The following MACROD2 variants were observed in gnomAD, a reference collection of about 807,000 sequenced individuals.
MACROD2 encodes mono-ADP ribosylhydrolase 2, also known as ADP-ribose glycohydrolase MACROD2.
A neutral mutation model predicts 70.4 loss-of-function variants in MACROD2; 36 were observed. The observed-to-expected ratio is 0.51, with a 90% CI of 0.39 to 0.68. MACROD2 has a LOEUF of 0.68. Ranked by LOEUF, MACROD2 falls within the 30% of genes least tolerant of loss-of-function variation. The pLI, the probability that MACROD2 is intolerant of heterozygous loss-of-function variation, is 0.00. For synonymous variants in MACROD2, 172 were observed against 178.8 expected (o/e 0.96, Z 0.30); for missense variants, 496 against 538.4 (o/e 0.92, Z 0.78).
At chr20:15,247,528 C>A (rs1375605147) in intron 6 of MACROD2, among the ~76,000 whole-genome samples, 2 of 152,128 alleles carry the variant, frequency 1.3e-5, no homozygotes, top group Non-Finnish European at 2.9e-5. Context: ...ATAAATCGAA[C>A]TTTCTGTTGG....
intron 8 of MACROD2, among the ~76,000 whole-genome samples, chr20:15,679,494 T>C (rs946561065): frequency 1.3e-5 from 2 of 152,168 alleles, no homozygotes; most frequent in Non-Finnish European, 2.9e-5. Context: ...TGCAGTTTTA[T>C]CCCCTTGGGC....
chr20:15,951,539 GC>G (rs1269036301), intron 12 of MACROD2, among the ~76,000 whole-genome samples: 1 of 152,168 alleles, frequency 6.6e-6, no homozygotes, highest in East Asian at 1.9e-4. Flanking sequence ...TTTGAAATTA[GC>G]CCTGTTATTT....
At chr20:16,041,333 A>G (rs2147611507) in intron 16 of MACROD2, 55 bp downstream of exon 16, 1 of 1,402,986 alleles carries the variant, frequency 7.1e-7, no homozygotes, top group South Asian at 1.2e-5. Context: ...CATATTTTCT[A>G]TGTGTAATCT....
In MACROD2 at chr20:15,630,990, T is replaced by G. The variant is rs457829; in HGVS notation, c.645+131143T>G. Among the ~76,000 whole-genome samples the G allele has an allele frequency of 9.6e-3, 1,469 of 152,316 alleles. 15 individuals carry two copies. Among genetic ancestry groups the G allele is most frequent in the Middle Eastern group, 0.027 (8 of 294 alleles). On this transcript the variant is annotated intron_variant, in intron 8 of 17. Transcript: ENST00000684519. ...TCTGCTTAACAGATCATTGTAGATA[T>G]GATTGCAAATTCCACATAAAGGGAA...
intron 3 of MACROD2, among the ~76,000 whole-genome samples, chr20:14,172,716 GT>G (rs2081232809): frequency 6.6e-6 from 1 of 151,900 alleles, no homozygotes; most frequent in Non-Finnish European, 1.5e-5. Context: ...GAATACCTTG[GT>G]TTTTTTCATT....
At chr20:14,014,109 TTA>T (rs2052953278) in intron 2 of MACROD2, among the ~76,000 whole-genome samples, 1 of 152,166 alleles carries the variant, frequency 6.6e-6, no homozygotes, top group Admixed American at 6.5e-5. Context: ...ATTAAATGAA[TTA>T]TGTTAGTAAA....
intron 6 of MACROD2, among the ~76,000 whole-genome samples, chr20:15,268,935 A>G (rs1208929339): frequency 6.6e-6 from 1 of 152,208 alleles, no homozygotes; most frequent in African/African-American, 2.4e-5. Context: ...GAAAAAGTTG[A>G]TAACTTTTCT....
intron 8 of MACROD2, among the ~76,000 whole-genome samples, chr20:15,686,410 G>A (rs2050225430): frequency 6.6e-6 from 1 of 152,066 alleles, no homozygotes. Context: ...TTGGGGAAGG[G>A]AGTTGCCAGG....
chr20:14,143,147 T>G (rs1398702418), intron 3 of MACROD2, among the ~76,000 whole-genome samples: 1 of 152,216 alleles, frequency 6.6e-6, no homozygotes, highest in Non-Finnish European at 1.5e-5. Context: ...AATGAATTTA[T>G]TAGCATGGCC....
At chr20:14,635,760 A>T (rs1465249021) in intron 4 of MACROD2, among the ~76,000 whole-genome samples, 2 of 152,228 alleles carry the variant, frequency 1.3e-5, no homozygotes, top group Non-Finnish European at 2.9e-5. Context: ...CTATTAGACA[A>T]ATAATGAATG....
intron 8 of MACROD2, among the ~76,000 whole-genome samples, chr20:15,777,559 TTCCTTCCTTCCTTCCTTCTTTCC>T (rs1252418259): frequency 4.5e-4 from 39 of 86,948 alleles, no homozygotes; most frequent in African/African-American, 5.8e-4. Context: ...CCTTCCTTCC[TTCCTTCCTTCCTTCCTTCTTTCC>T]TTCCTTCCTT....
intron 5 of MACROD2, among the ~76,000 whole-genome samples, chr20:15,009,661 G>A (rs1485579095): frequency 6.6e-6 from 1 of 151,670 alleles, no homozygotes; most frequent in Admixed American, 6.6e-5. Flanking sequence ...CTGATTTTTA[G>A]AAATTTAGCT....
chr20:15,441,145 C>A (rs1052691012), intron 7 of MACROD2, among the ~76,000 whole-genome samples: 2 of 152,100 alleles, frequency 1.3e-5, no homozygotes, highest in Non-Finnish European at 2.9e-5. Context: ...TGTTTCTAAC[C>A]CTGAGTGCTT....
At chr20:15,301,136 C>T (rs2077638203) in intron 6 of MACROD2, among the ~76,000 whole-genome samples, 1 of 152,260 alleles carries the variant, frequency 6.6e-6, no homozygotes, top group Non-Finnish European at 1.5e-5. Flanking sequence ...GCCTGCCTTA[C>T]TGGCCCACTG....
At chr20:15,244,732 A>G (rs11905462) in intron 6 of MACROD2, among the ~76,000 whole-genome samples, 1 of 152,152 alleles carries the variant, frequency 6.6e-6, no homozygotes, top group Admixed American at 6.5e-5. Flanking sequence ...TTACCTAACT[A>G]AACCCTAGTA....
chr20:15,244,433 T>C (rs2077087646), intron 6 of MACROD2, among the ~76,000 whole-genome samples: 1 of 152,194 alleles, frequency 6.6e-6, no homozygotes. Context: ...TTTTTGTACC[T>C]GGACAGCAGG....
chr20:16,029,790 C>T (rs1348638544), intron 15 of MACROD2, among the ~76,000 whole-genome samples: 1 of 152,186 alleles, frequency 6.6e-6, no homozygotes, highest in African/African-American at 2.4e-5. Flanking sequence ...TGTAATCCTC[C>T]ATGTCAATAC....
chr20:14,198,537 A>G (rs2081452552), intron 3 of MACROD2, among the ~76,000 whole-genome samples: 1 of 152,204 alleles, frequency 6.6e-6, no homozygotes, highest in East Asian at 1.9e-4. Flanking sequence ...CATCAAATGG[A>G]CACAAAATAT....
At chr20:14,693,116 G>A (rs2071082292) in intron 5 of MACROD2, among the ~76,000 whole-genome samples, 1 of 152,134 alleles carries the variant, frequency 6.6e-6, no homozygotes, top group African/African-American at 2.4e-5. Context: ...AGGTAATAAT[G>A]TAAATGGGCT....
Sources: allele counts gnomAD v4.1 joint callset (sites outside exome capture counted in the v4.1 genomes callset), GRCh38; gene constraint gnomAD v4.1.1; transcripts MANE v1.5; gene names NCBI Gene and HGNC (gene_info 2026-07-23, HGNC 2026-07-21).